Variants in WNT2 observed in about 807,000 individuals in gnomAD.
WNT2 encodes the protein Wnt family member 2, also known as protein Wnt-2.
Under a neutral mutation model 36.9 loss-of-function variants are expected in WNT2, and 12 were observed. The observed-to-expected ratio is 0.33, with a 90% CI of 0.21 to 0.53. WNT2 has a LOEUF of 0.53. Among genes scored for constraint, WNT2 ranks in the 20% least tolerant of loss-of-function variants. WNT2 has a pLI of 0.95. For missense variants in WNT2, 379 were observed against 473.1 expected (o/e 0.80, Z 1.84); for synonymous variants, 163 against 174.6 (o/e 0.93, Z 0.52).
intron 4 of WNT2, among the ~76,000 whole-genome samples, chr7:117,279,661 CCT>C (rs1421583831): frequency 6.6e-6 from 1 of 152,082 alleles, no homozygotes; most frequent in African/African-American, 2.4e-5. Context: ...TCCATTTCTC[CCT>C]GAGGCCTGAC....
At chr7:117,292,858 C>CAT (rs1303550935) in intron 4 of WNT2, among the ~76,000 whole-genome samples, 1 of 152,056 alleles carries the variant, frequency 6.6e-6, no homozygotes, top group East Asian at 1.9e-4. Flanking sequence ...ACTGAAAAAA[C>CAT]ATATATATAT....
rs772734382 is a variant in WNT2 at position 117,322,880 on chromosome 7, C to T, written c.83+27G>A. Reference sequence around the variant, plus strand: ...CGGTCCCCATTCCGATCTCCAAAATCCCCCGCGCCCGTGCGCGTGGACTTA... The same window carrying T: ...CGGTCCCCATTCCGATCTCCAAAATTCCCCGCGCCCGTGCGCGTGGACTTA... On this transcript the variant is annotated intron_variant, in intron 1 of 4. Transcript: ENST00000265441. This position sits in a 1 kb window ranked among gnomAD's most constrained non-coding sequence, Gnocchi z 5.4. The T allele has an allele frequency of 3.0e-4, 464 of 1,531,180 alleles. 3 individuals carry two copies. The highest frequency in any genetic ancestry group is 5.9e-5 in the Non-Finnish European group (68 of 1,145,404). The allele number at this position is 1,531,180 out of a possible 1,614,324, so 94.8% of individuals were successfully genotyped here. A position where few individuals can be genotyped will look rare whatever the true frequency, so the allele number is the denominator to read the frequency against.
In WNT2 at chr7:117,295,119, C is replaced by T. The variant is rs141760047; in HGVS notation, c.853+2493G>A. ...AAAAGAAAAGAGAAGAGAAGAGAGA[C>T]GAGACGAGACGAGATGAGATGAGAC... On this transcript the variant is annotated intron_variant, in intron 4 of 4. Transcript: ENST00000265441. Among the ~76,000 whole-genome samples, 675 of 149,062 alleles carry T rather than the reference C, an allele frequency of 4.5e-3. 3 individuals are homozygous for T. Among genetic ancestry groups the T allele is most frequent in the Non-Finnish European group, 6.8e-3 (457 of 67,666 alleles).
At chr7:117,286,079 T>G (rs1241540310) in intron 4 of WNT2, among the ~76,000 whole-genome samples, 1 of 152,180 alleles carries the variant, frequency 6.6e-6, no homozygotes, top group African/African-American at 2.4e-5. Context: ...CTTGCCCATA[T>G]GTGTTGTCAT....
In WNT2 at chr7:117,316,863, A is replaced by G. The variant is rs115333107; in HGVS notation, c.311-1515T>C. On this transcript the variant is annotated intron_variant, in intron 2 of 4. Coordinates refer to ENST00000265441, the MANE Select transcript of WNT2 (RefSeq NM_003391.3). ...GCTGTTTTAAAGAGTCCCAGCTTAT[A>G]CTATATAGACCACAGATATTCTAAG... 8.7e-3 allele frequency among the ~76,000 whole-genome samples: 1,326 copies of G among 152,322 alleles called. 16 individuals carry two copies. The highest frequency in any genetic ancestry group is 0.03 in the African/African-American group (1,242 of 41,560).
intron 3 of WNT2, among the ~76,000 whole-genome samples, chr7:117,306,755 A>G (rs1297944392): frequency 1.3e-5 from 2 of 152,156 alleles, no homozygotes; most frequent in African/African-American, 2.4e-5. Flanking sequence ...TCTAAGTTTT[A>G]CTACGTGGCA....
At position 117,323,017 on chromosome 7, in the gene WNT2, C is replaced by A; in HGVS notation, c.-28G>T. The A allele has an allele frequency of 6.3e-7, 1 of 1,588,632 alleles. No homozygotes were observed. Among genetic ancestry groups the A allele is most frequent in the Non-Finnish European group, 8.6e-7 (1 of 1,167,682 alleles). ...TAACCCCCTTGCGTCTGCATCAGGT[C>A]AGACTCCGTGTGCGGGCGCCATGCG... is the stretch of plus-strand genomic sequence containing the variant. On this transcript the variant is annotated 5_prime_UTR_variant, in exon 1 of 5. The change abolishes the stop of an existing upstream ORF in the 5' untranslated region. Transcript: ENST00000265441.
At chr7:117,313,327 A>C (rs1584694738) in intron 3 of WNT2, among the ~76,000 whole-genome samples, 1 of 152,356 alleles carries the variant, frequency 6.6e-6, no homozygotes, top group East Asian at 1.9e-4. Flanking sequence ...AATTAAAGCC[A>C]CATTTTAAAA....
At chr7:117,300,867 G>A (rs999063623) in intron 3 of WNT2, 1 of 152,216 alleles carries the variant, frequency 6.6e-6, no homozygotes, top group Admixed American at 6.5e-5. Flanking sequence ...TCTAGATGCT[G>A]GTTTCTGCAG....
intron 3 of WNT2, among the ~76,000 whole-genome samples, chr7:117,303,312 C>T (rs1030491705): frequency 2.0e-5 from 3 of 152,142 alleles, no homozygotes; most frequent in Non-Finnish European, 4.4e-5. Context: ...ACGGGGAAAT[C>T]GTTATTCAAT....
chr7:117,306,581 C>A (rs1795018233), intron 3 of WNT2, among the ~76,000 whole-genome samples: 1 of 152,148 alleles, frequency 6.6e-6, no homozygotes, highest in Non-Finnish European at 1.5e-5. Flanking sequence ...TGTTCTACTT[C>A]CTTCTTCTTT....
intron 4 of WNT2, among the ~76,000 whole-genome samples, chr7:117,288,093 A>G (rs577056538): frequency 9.8e-5 from 15 of 152,322 alleles, no homozygotes; most frequent in Middle Eastern, 6.8e-3. Context: ...GTGGCAGCAG[A>G]CCAGCTAAAC....
rs145148212 is a variant in WNT2 at position 117,286,093 on chromosome 7, G to T, written c.854-7709C>A. 2.5e-3 allele frequency among the ~76,000 whole-genome samples: 380 copies of T among 152,202 alleles called. 3 individuals carry two copies. In the Middle Eastern group the frequency reaches 0.037, roughly 15 times the overall value. On this transcript the variant is annotated intron_variant, in intron 4 of 4. Coordinates refer to ENST00000265441, the MANE Select transcript of WNT2 (RefSeq NM_003391.3). The stretch of plus-strand genomic sequence containing the variant: ...GCTTGCCCATATGTGTTGTCATCCT[G>T]ACTCGCACAAGAGCTCACAAATGCA...
intron 4 of WNT2, among the ~76,000 whole-genome samples, chr7:117,280,703 A>G (rs193208904): frequency 3.2e-4 from 49 of 152,362 alleles, no homozygotes; most frequent in African/African-American, 1.1e-3. Context: ...GTTAAGCTTC[A>G]GTTTCCTCCT....
intron 4 of WNT2, among the ~76,000 whole-genome samples, chr7:117,289,174 C>T (rs959389734): frequency 4.7e-5 from 7 of 148,326 alleles, no homozygotes; most frequent in African/African-American, 1.7e-4. Flanking sequence ...ATTCTCCTGT[C>T]AGCCTCCTGA....
Position 117,315,295 on chromosome 7 carries a change from C to T in WNT2, c.364G>A (p.Ala122Thr). The T allele has an allele frequency of 4.3e-6, 7 of 1,614,150 alleles. No individual in the cohort carries two copies. The highest frequency in any genetic ancestry group is 5.9e-6 in the Non-Finnish European group (7 of 1,180,014). The change falls in exon 3 of 5, where the codon GCC becomes ACC. Residue 122 changes from alanine (A) to threonine (T), a missense_variant. Physicochemically the swap from Ala to Thr is moderately conservative, Grantham distance 58. Transcript: ENST00000265441. ...YAISSAGVVF[A>T]ITRACSQGEV... ...CCTTGGCTACAGGCCCTGGTGATGG[C>T]AAATACAACTCCAGCTGAGGAGATG...
intron 4 of WNT2, among the ~76,000 whole-genome samples, chr7:117,281,095 T>TA (rs1794475783): frequency 6.6e-6 from 1 of 152,142 alleles, no homozygotes; most frequent in Non-Finnish European, 1.5e-5. Context: ...AAGAATGGGG[T>TA]AAACAGCAAC....
At chr7:117,281,438 A>G (rs542868345) in intron 4 of WNT2, among the ~76,000 whole-genome samples, 1 of 152,056 alleles carries the variant, frequency 6.6e-6, no homozygotes, top group African/African-American at 2.4e-5. Context: ...GGGTCTTGCC[A>G]TGTTGCCCAG....
chr7:117,300,155 TA>T (rs150797564), intron 3 of WNT2, among the ~76,000 whole-genome samples: 2 of 151,484 alleles, frequency 1.3e-5, no homozygotes, highest in African/African-American at 2.4e-5. Context: ...AGGAGTCTTG[TA>T]AAAAAAAAGT....
Sources: allele counts gnomAD v4.1 joint callset (sites outside exome capture counted in the v4.1 genomes callset), GRCh38; gene constraint gnomAD v4.1.1; non-coding constraint Gnocchi (gnomAD v3.1); transcripts MANE v1.5; gene names NCBI Gene and HGNC (gene_info 2026-07-23, HGNC 2026-07-21).